TNKS: variants seen among roughly 807,000 people sequenced by gnomAD.
TNKS encodes the protein tankyrase.
In TNKS, 72 loss-of-function variants were observed where a neutral mutation model predicts 135.8. That is an observed-to-expected ratio of 0.53 (90% CI 0.44 to 0.64). The LOEUF is 0.64. Ranked by LOEUF, TNKS falls within the 30% of genes least tolerant of loss-of-function variation. The pLI is 0.00. For synonymous variants in TNKS, 849 were observed against 649.3 expected (o/e 1.31, Z -4.68); for missense variants, 1,769 against 1,674.0 (o/e 1.06, Z -0.99).
chr8:9,756,686 A>G (rs1806848794), intron 20 of TNKS, among the ~76,000 whole-genome samples: 1 of 152,280 alleles, frequency 6.6e-6, no homozygotes, highest in South Asian at 2.1e-4. Flanking sequence ...TGTTGATGCA[A>G]AAGTCTCATA....
chr8:9,638,309 A>G (rs576995758), intron 3 of TNKS, among the ~76,000 whole-genome samples: 61 of 152,366 alleles, frequency 4.0e-4, no homozygotes, highest in Admixed American at 5.9e-4. Flanking sequence ...TGCCTTAATC[A>G]TGGCTTCCAT....
At chr8:9,692,419 C>T (rs1366430172) in intron 5 of TNKS, among the ~76,000 whole-genome samples, 1 of 152,192 alleles carries the variant, frequency 6.6e-6, no homozygotes, top group South Asian at 2.1e-4. Flanking sequence ...ACTGTTGTCA[C>T]CCATCTCCCC....
intron 3 of TNKS, among the ~76,000 whole-genome samples, chr8:9,630,984 C>G (rs1431878598): frequency 1.3e-5 from 2 of 152,052 alleles, no homozygotes; most frequent in Non-Finnish European, 2.9e-5. Context: ...ATTTTCATGA[C>G]CTTTTCTAAA....
intron 1 of TNKS, chr8:9,574,905 T>G: frequency 2.6e-6 from 1 of 382,980 alleles, no homozygotes; most frequent in Non-Finnish European, 3.6e-6. Context: ...CCTTCTTGTC[T>G]GAGAACCTAG....
intron 26 of TNKS, 131 bp from the exon 27 acceptor site, chr8:9,776,519 C>G (rs1585463261): frequency 2.8e-6 from 2 of 712,312 alleles, no homozygotes; most frequent in East Asian, 5.2e-5. Context: ...ATTGTTCAGG[C>G]ACCTATTAAG....
chr8:9,637,536 A>T (rs1800558326), intron 3 of TNKS, among the ~76,000 whole-genome samples: 1 of 152,116 alleles, frequency 6.6e-6, no homozygotes, highest in Admixed American at 6.5e-5. Flanking sequence ...GTGAATGATA[A>T]ATTGCTTATG....
intron 3 of TNKS, among the ~76,000 whole-genome samples, chr8:9,647,219 T>G (rs1187124259): frequency 6.6e-6 from 1 of 152,210 alleles, no homozygotes; most frequent in African/African-American, 2.4e-5. Context: ...AATACTTACC[T>G]TTGTTCACTT....
At chr8:9,724,503 A>C (rs1217467426) in intron 12 of TNKS, among the ~76,000 whole-genome samples, 1 of 152,230 alleles carries the variant, frequency 6.6e-6, no homozygotes, top group Non-Finnish European at 1.5e-5. Flanking sequence ...CTAATATAGT[A>C]CTTTGCATAC....
At chr8:9,648,567 C>A (rs1170231988) in intron 3 of TNKS, among the ~76,000 whole-genome samples, 1 of 152,138 alleles carries the variant, frequency 6.6e-6, no homozygotes, top group Non-Finnish European at 1.5e-5. Context: ...TTATCATTTT[C>A]AAGTATTATG....
At chr8:9,571,552 G>A (rs1302200232) in intron 1 of TNKS, among the ~76,000 whole-genome samples, 1 of 152,074 alleles carries the variant, frequency 6.6e-6, no homozygotes, top group Admixed American at 6.6e-5. Flanking sequence ...CCGCCTCCCG[G>A]GTTCACGCCA....
rs114294043 is a variant in TNKS at position 9,689,760 on chromosome 8, C to G, written c.1107+8960C>G. Among the ~76,000 whole-genome samples, 432 of 152,268 alleles carry G rather than the reference C, an allele frequency of 2.8e-3. 4 individuals are homozygous for G. The highest frequency in any genetic ancestry group is 1.0e-2 in the African/African-American group (414 of 41,554). ...AGCATATCTGCAGAATCCTAGAGCT[C>G]TTAGCCACATTAAAATCAGCTGAAG... On this transcript the variant is annotated intron_variant, in intron 5 of 26. Transcript: ENST00000310430.
chr8:9,583,514 G>C (rs1004734953), intron 2 of TNKS, among the ~76,000 whole-genome samples: 2 of 151,728 alleles, frequency 1.3e-5, no homozygotes, highest in Admixed American at 1.3e-4. Context: ...TTTTGAGACA[G>C]AGTCTTGCTC....
At chr8:9,707,890 G>A (rs544265541) in intron 8 of TNKS, among the ~76,000 whole-genome samples, 1 of 152,260 alleles carries the variant, frequency 6.6e-6, no homozygotes, top group East Asian at 1.9e-4. Flanking sequence ...TACTTATGGT[G>A]TACTTATGGT....
Position 9,778,276 on chromosome 8 carries a change from CGAG to C in TNKS, c.*1546_*1548del, listed in dbSNP as rs1437519459. ...CTTTGAAGCGAAAGAAATATAAACA[CGAG>C]GAGGAATAGGAAAGACAGTGTGACA... is the stretch of plus-strand genomic sequence containing the variant. On this transcript the variant is annotated 3_prime_UTR_variant, in exon 27 of 27. Coordinates refer to ENST00000310430, the MANE Select transcript of TNKS (RefSeq NM_003747.3). 7.2e-5 allele frequency: 11 copies of C among 152,236 alleles called. No individual in the cohort carries two copies. The highest frequency in any genetic ancestry group is 2.7e-4 in the African/African-American group (11 of 41,468). The allele number at this position is 152,236 out of a possible 1,614,324, so 9.4% of individuals were successfully genotyped here.
chr8:9,579,085 C>A lies in TNKS; in HGVS notation c.674-1074C>A, dbSNP rs572651056. ...TATTTCTTACCTTTCTAAGTGTTTG[C>A]CTCATCCTTAGACTACTTGAGACTC... is the stretch of plus-strand genomic sequence containing the variant. On this transcript the variant is annotated intron_variant, in intron 1 of 26. Coordinates refer to ENST00000310430, the MANE Select transcript of TNKS (RefSeq NM_003747.3). Among the ~76,000 whole-genome samples, 59 of 152,256 alleles carry A rather than the reference C, an allele frequency of 3.9e-4. 2 individuals are homozygous for A. Among genetic ancestry groups the A allele is most frequent in the African/African-American group, 1.4e-3 (58 of 41,544 alleles).
Position 9,781,567 on chromosome 8 carries a change from AACAC to A in TNKS, c.*4832_*4835del, listed in dbSNP as rs1808458629. 1 of 152,420 alleles carries A rather than the reference AACAC, an allele frequency of 6.6e-6. No individual in the cohort carries two copies. Among genetic ancestry groups the A allele is most frequent in the Non-Finnish European group, 1.5e-5 (1 of 68,048 alleles). The allele number at this position is 152,420 out of a possible 1,614,324, so 9.4% of individuals were successfully genotyped here. On this transcript the variant is annotated 3_prime_UTR_variant, in exon 27 of 27. Transcript: ENST00000310430. ...ACACTGAAACTCTTCATGTGCATAT[AACAC>A]CTGCTTCTGCTCCCATTGTTTCAAG...
At chr8:9,649,711 A>G (rs1352009448) in intron 3 of TNKS, among the ~76,000 whole-genome samples, 1 of 151,678 alleles carries the variant, frequency 6.6e-6, no homozygotes, top group Non-Finnish European at 1.5e-5. Context: ...CTTATTAGTG[A>G]GAATACACGA....
intron 2 of TNKS, among the ~76,000 whole-genome samples, chr8:9,590,988 C>A (rs549131070): frequency 6.6e-6 from 1 of 152,060 alleles, no homozygotes; most frequent in Non-Finnish European, 1.5e-5. Context: ...ATTGTCGAAC[C>A]CTAGATCATG....
At chr8:9,751,493 G>C in intron 18 of TNKS, 116 bp from the exon 19 acceptor site, 1 of 826,110 alleles carries the variant, frequency 1.2e-6, no homozygotes, top group Non-Finnish European at 1.9e-6. Flanking sequence ...AAACCAGTAG[G>C]TGATAATGAG....
Sources: gnomAD v4.1 joint callset for allele counts (sites outside exome capture counted in the v4.1 genomes callset) on GRCh38, gnomAD v4.1.1 for gene constraint, MANE v1.5 for transcripts, NCBI Gene and HGNC (gene_info 2026-07-23, HGNC 2026-07-21) for gene names.